Variants in ZNF438 observed in about 807,000 individuals in gnomAD.
ZNF438 encodes the protein zinc finger protein 438.
Under a neutral mutation model 38.0 loss-of-function variants are expected in ZNF438, and 25 were observed. The ratio of observed to expected loss-of-function variants is 0.66; its 90% CI spans 0.48 to 0.92. The LOEUF (loss-of-function observed/expected upper bound fraction) is 0.92, where lower values mean the gene tolerates loss of function less well. ZNF438 is among the 40% of genes least tolerant of loss of function. The pLI is 0.00. For missense variants in ZNF438, 1,007 were observed against 999.6 expected (o/e 1.01, Z -0.10); for synonymous variants, 372 against 364.1 (o/e 1.02, Z -0.25).
At chr10:30,869,892 A>G (rs2133401949) in intron 4 of ZNF438, among the ~76,000 whole-genome samples, 2 of 152,362 alleles carry the variant, frequency 1.3e-5, no homozygotes, top group Middle Eastern at 6.8e-3. Context: ...AGCAATGTTA[A>G]GCACTAAATG....
At chr10:30,857,316 G>A (rs1445472489) in intron 4 of ZNF438, among the ~76,000 whole-genome samples, 2 of 148,808 alleles carry the variant, frequency 1.3e-5, no homozygotes, top group African/African-American at 2.5e-5. Context: ...ATGCAGTGGT[G>A]AGATCTTGGC....
Position 30,869,530 on chromosome 10 carries a change from G to A in ZNF438, c.37+7468C>T, listed in dbSNP as rs190974848. Among the ~76,000 whole-genome samples, 3 of 152,072 alleles carry A rather than the reference G, an allele frequency of 2.0e-5. No homozygotes were observed. The East Asian group carries it at 5.8e-4, about 29-fold the overall frequency. The stretch of plus-strand genomic sequence containing the variant: ...ATGGCTGGTCTACTTTATGGTTTTA[G>A]GCCACCCAGGTCATTTCCATTTATT... On this transcript the variant is annotated intron_variant, in intron 4 of 5. Coordinates refer to ENST00000413025, the Ensembl canonical transcript of ZNF438.
chr10:30,881,400 A>G (rs749188228), intron 3 of ZNF438, among the ~76,000 whole-genome samples: 1 of 152,192 alleles, frequency 6.6e-6, no homozygotes, highest in Non-Finnish European at 1.5e-5. Context: ...CATAAAAATG[A>G]AATAATTAAG....
At chr10:31,006,076 T>C (rs1344369804) in intron 1 of ZNF438, among the ~76,000 whole-genome samples, 1 of 152,202 alleles carries the variant, frequency 6.6e-6, no homozygotes, top group Non-Finnish European at 1.5e-5. Context: ...TGGTATGATA[T>C]TGTGAAATAT....
intron 4 of ZNF438, among the ~76,000 whole-genome samples, chr10:30,873,236 A>G (rs900725073): frequency 2.6e-5 from 4 of 152,224 alleles, no homozygotes; most frequent in Non-Finnish European, 4.4e-5. Context: ...TTGTAACAAA[A>G]TAAGTCTCAT....
intron 1 of ZNF438, among the ~76,000 whole-genome samples, chr10:30,967,029 AAGCAGT>A (rs2050198666): frequency 1.3e-5 from 2 of 152,318 alleles, no homozygotes; most frequent in South Asian, 2.1e-4. Context: ...GATGTGCTAT[AAGCAGT>A]AAGAATAAAC....
intron 2 of ZNF438, among the ~76,000 whole-genome samples, chr10:30,913,043 A>T (rs1210266005): frequency 6.6e-6 from 1 of 151,996 alleles, no homozygotes; most frequent in Non-Finnish European, 1.5e-5. Flanking sequence ...ACTTTACCCC[A>T]AGGTCCATCC....
At chr10:31,006,821 T>G (rs2055182977) in intron 1 of ZNF438, among the ~76,000 whole-genome samples, 1 of 150,550 alleles carries the variant, frequency 6.6e-6, no homozygotes, top group African/African-American at 2.4e-5. Flanking sequence ...AAGTCTTCTG[T>G]GTTGATTGCT....
intron 3 of ZNF438, among the ~76,000 whole-genome samples, chr10:30,892,873 T>C (rs2040869359): frequency 6.6e-6 from 1 of 152,256 alleles, no homozygotes; most frequent in South Asian, 2.1e-4. Context: ...ATCTTCATTC[T>C]TTTTAAAGAC....
Position 30,874,114 on chromosome 10 carries a change from G to A in ZNF438, c.37+2884C>T, listed in dbSNP as rs56171279. 1.5e-3 allele frequency among the ~76,000 whole-genome samples: 123 copies of A among 80,034 alleles called. 1 individual carries two copies. The highest frequency in any genetic ancestry group is 7.3e-3 in the African/African-American group (104 of 14,292). The allele number at this position is 80,034 out of a possible 152,430, so 52.5% of individuals were successfully genotyped here. On this transcript the variant is annotated intron_variant, in intron 4 of 5. Transcript: ENST00000413025. ...TGTGGGTGTGTGGGGGTGTGTGTGT[G>A]TATATATATATATATATATATATAT... is the stretch of plus-strand genomic sequence containing the variant.
intron 1 of ZNF438, among the ~76,000 whole-genome samples, chr10:30,974,232 C>A (rs1362561000): frequency 1.3e-5 from 2 of 152,222 alleles, no homozygotes; most frequent in Non-Finnish European, 2.9e-5. Context: ...ATAATCCCAA[C>A]ATTTTGGGAG....
chr10:30,986,163 C>T (rs2052762896), intron 1 of ZNF438, among the ~76,000 whole-genome samples: 1 of 152,124 alleles, frequency 6.6e-6, no homozygotes, highest in African/African-American at 2.4e-5. Context: ...ACAAAATCAC[C>T]TAATGATACA....
intron 2 of ZNF438, among the ~76,000 whole-genome samples, chr10:30,935,422 C>A (rs1440801039): frequency 2.6e-5 from 4 of 152,108 alleles, no homozygotes; most frequent in African/African-American, 9.7e-5. Context: ...GCTGCATGTG[C>A]AGAGATCACA....
At chr10:30,846,361 C>T (rs4749621) in intron 5 of ZNF438, among the ~76,000 whole-genome samples, 58,176 of 152,066 alleles carry the variant, frequency 0.38, 11,430 homozygotes, top group Admixed American at 0.41. Context: ...GCCACTGCAC[C>T]ACCTGCACCT....
intron 2 of ZNF438, among the ~76,000 whole-genome samples, chr10:30,932,123 C>A (rs1162462106): frequency 6.6e-6 from 1 of 152,126 alleles, no homozygotes; most frequent in African/African-American, 2.4e-5. Flanking sequence ...GTTTGAAGTT[C>A]TTTGGGTCTT....
At chr10:31,001,684 T>A (rs2642194) in intron 1 of ZNF438, among the ~76,000 whole-genome samples, 87,649 of 152,090 alleles carry the variant, frequency 0.58, 25,682 homozygotes, top group African/African-American at 0.66. Context: ...GGTTACAAAA[T>A]TTTGCCATAA....
At chr10:31,018,625 A>T (rs2056375378) in intron 1 of ZNF438, among the ~76,000 whole-genome samples, 1 of 152,224 alleles carries the variant, frequency 6.6e-6, no homozygotes, top group Non-Finnish European at 1.5e-5. Context: ...CAATTTTTGT[A>T]CTATACAGGC....
chr10:30,959,840 A>C lies in ZNF438; in HGVS notation c.-191-18189T>G, dbSNP rs2136002740. Among the ~76,000 whole-genome samples, 3 of 147,362 alleles carry C rather than the reference A, an allele frequency of 2.0e-5. 1 individual carries two copies. The highest frequency in any genetic ancestry group is 7.3e-5 in the African/African-American group (3 of 41,244). ...CATATGGTAAGTTGGTTTAACTTTAAAAGAAATAGCCAAACTATTTTCCAA... is the reference window on the plus strand; with the variant it reads ...CATATGGTAAGTTGGTTTAACTTTACAAGAAATAGCCAAACTATTTTCCAA... On this transcript the variant is annotated intron_variant, in intron 1 of 5. Transcript: ENST00000413025.
At chr10:30,903,339 C>T (rs1033242204) in intron 3 of ZNF438, among the ~76,000 whole-genome samples, 15 of 152,336 alleles carry the variant, frequency 9.8e-5, no homozygotes, top group African/African-American at 3.6e-4. Flanking sequence ...GCTGCCAGCA[C>T]ACTGTCACCT....
Sources: gnomAD v4.1 joint callset for allele counts (sites outside exome capture counted in the v4.1 genomes callset) on GRCh38, gnomAD v4.1.1 for gene constraint, MANE v1.5 for transcripts, NCBI Gene and HGNC (gene_info 2026-07-23, HGNC 2026-07-21) for gene names.